ATP6V1A: variants seen among roughly 807,000 people sequenced by gnomAD.
ATP6V1A encodes the protein ATPase H+ transporting V1 subunit A.
In ATP6V1A, 18 loss-of-function variants were observed where a neutral mutation model predicts 70.1. The ratio of observed to expected loss-of-function variants is 0.26; its 90% CI spans 0.18 to 0.38. ATP6V1A has a LOEUF of 0.38. Ranked by LOEUF, ATP6V1A falls within the 10% of genes least tolerant of loss-of-function variation. The pLI, the probability that ATP6V1A is intolerant of heterozygous loss-of-function variation, is 1.00. For synonymous variants in ATP6V1A, 232 were observed against 253.8 expected (o/e 0.91, Z 0.82); for missense variants, 424 against 772.4 (o/e 0.55, Z 5.35).
chr3:113,806,839 A>C (rs1444457678), intron 14 of ATP6V1A, among the ~76,000 whole-genome samples: 2 of 152,232 alleles, frequency 1.3e-5, no homozygotes, highest in Non-Finnish European at 2.9e-5. Context: ...AATTATTAGT[A>C]GGAACTCAAA....
chr3:113,782,544 A>G (rs114664374), intron 3 of ATP6V1A, among the ~76,000 whole-genome samples: 1 of 124,694 alleles, frequency 8.0e-6, no homozygotes, highest in East Asian at 2.2e-4. Context: ...CTCTCTCTCT[A>G]TATATATATA....
intron 8 of ATP6V1A, among the ~76,000 whole-genome samples, chr3:113,793,354 C>T (rs1429404699): frequency 1.3e-5 from 2 of 152,166 alleles, no homozygotes; most frequent in African/African-American, 2.4e-5. Flanking sequence ...TGAGCCACCG[C>T]GCCTGGCCAG....
At chr3:113,752,563 T>C (rs1471195790) in intron 1 of ATP6V1A, among the ~76,000 whole-genome samples, 1 of 152,058 alleles carries the variant, frequency 6.6e-6, no homozygotes, top group Non-Finnish European at 1.5e-5. Flanking sequence ...TCTTAACTAC[T>C]TGGATATCTT....
Position 113,795,005 on chromosome 3 carries a change from G to T in ATP6V1A, c.1111+11G>T, listed in dbSNP as rs201044927. 1.7e-5 allele frequency: 27 copies of T among 1,613,476 alleles called. No homozygotes were observed. The highest frequency in any genetic ancestry group is 2.2e-5 in the Non-Finnish European group (26 of 1,179,770). ...CTGAAATGCCTGCAGGTAAGTCTGT[G>T]TATTGCTTATCATGTAAACAAGACT... On this transcript the variant is annotated intron_variant, in intron 9 of 14. Transcript: ENST00000273398.
intron 1 of ATP6V1A, among the ~76,000 whole-genome samples, chr3:113,766,426 C>G (rs755278515): frequency 2.0e-5 from 3 of 152,162 alleles, no homozygotes; most frequent in Non-Finnish European, 2.9e-5. Context: ...TCCTAAGTAG[C>G]TGGGACTATG....
At chr3:113,769,755 A>G (rs1469899902) in intron 1 of ATP6V1A, among the ~76,000 whole-genome samples, 3 of 152,176 alleles carry the variant, frequency 2.0e-5, no homozygotes, top group African/African-American at 7.2e-5. Context: ...AACTCAGATC[A>G]GTTGCCTATG....
chr3:113,773,482 G>C (rs1159155523), intron 1 of ATP6V1A, among the ~76,000 whole-genome samples: 1 of 152,088 alleles, frequency 6.6e-6, no homozygotes, highest in Non-Finnish European at 1.5e-5. Context: ...AAATTTTCAT[G>C]CTGGCTAGGA....
At chr3:113,780,273 A>T (rs1219884809) in intron 2 of ATP6V1A, among the ~76,000 whole-genome samples, 1 of 152,224 alleles carries the variant, frequency 6.6e-6, no homozygotes, top group Non-Finnish European at 1.5e-5. Context: ...AGTTCTAATC[A>T]GTTGTATCAG....
At chr3:113,779,659 A>G (rs1467450740) in intron 2 of ATP6V1A, among the ~76,000 whole-genome samples, 2 of 152,154 alleles carry the variant, frequency 1.3e-5, no homozygotes, top group East Asian at 3.8e-4. Context: ...TTGGCAGGTC[A>G]TTAAAAGGTT....
intron 1 of ATP6V1A, among the ~76,000 whole-genome samples, chr3:113,765,966 T>G (rs149732853): frequency 6.8e-4 from 104 of 152,132 alleles, no homozygotes; most frequent in African/African-American, 2.4e-3. Context: ...CAATCAATTC[T>G]TGTTTTACTA....
At chr3:113,794,522 G>A (rs1233236327) in intron 8 of ATP6V1A, among the ~76,000 whole-genome samples, 1 of 152,188 alleles carries the variant, frequency 6.6e-6, no homozygotes, top group Non-Finnish European at 1.5e-5. Context: ...CCTGAAATGA[G>A]CTCTACCATT....
chr3:113,803,780 C>G, intron 13 of ATP6V1A, 103 bp downstream of exon 13: 1 of 791,574 alleles, frequency 1.3e-6, no homozygotes, highest in South Asian at 1.8e-5. Flanking sequence ...CAGGCTCATA[C>G]ACTCTGACTT....
intron 5 of ATP6V1A, among the ~76,000 whole-genome samples, chr3:113,785,628 C>G (rs1311351772): frequency 3.3e-5 from 5 of 149,616 alleles, no homozygotes; most frequent in Non-Finnish European, 5.9e-5. Flanking sequence ...ATCACCTCAG[C>G]CTCCCAAGTA....
chr3:113,807,675 TAGAA>T (rs754775227), intron 14 of ATP6V1A, among the ~76,000 whole-genome samples: 5 of 152,188 alleles, frequency 3.3e-5, no homozygotes, highest in Non-Finnish European at 4.4e-5. Context: ...TATATATTCA[TAGAA>T]AGAGGATGAA....
At chr3:113,776,337 T>A (rs1708911869) in intron 1 of ATP6V1A, among the ~76,000 whole-genome samples, 1 of 152,142 alleles carries the variant, frequency 6.6e-6, no homozygotes, top group South Asian at 2.1e-4. Context: ...GCCACTGCAC[T>A]CCAGCCTGCG....
Position 113,789,780 on chromosome 3 carries a change from G to C in ATP6V1A, c.928G>C (p.Ala310Pro). Reference protein sequence around the residue: ...GKVESIMKRTALVANTSNMPV... With the variant: ...GKVESIMKRTPLVANTSNMPV... ...GGTAGAGTCAATTATGAAGAGGACA[G>C]CTTTGGTAGCCAATACCTCCAATAT... The change falls in exon 8 of 15, where the codon GCT becomes CCT. Residue 310 changes from alanine to proline, a missense_variant. Around this residue, in one of 9 missense-constraint regions of ATP6V1A, gnomAD observed 58 missense variants for 181.5 expected, o/e 0.32. Coordinates refer to ENST00000273398, the MANE Select transcript of ATP6V1A (RefSeq NM_001690.4). 6.2e-7 allele frequency: 1 copy of C among 1,613,376 alleles called. No individual in the cohort carries two copies. The highest frequency in any genetic ancestry group is 8.5e-7 in the Non-Finnish European group (1 of 1,179,376).
At chr3:113,779,860 T>G (rs978812770) in intron 2 of ATP6V1A, among the ~76,000 whole-genome samples, 1 of 152,196 alleles carries the variant, frequency 6.6e-6, no homozygotes, top group African/African-American at 2.4e-5. Context: ...TTTTAAAAAT[T>G]TTTTTAAATT....
intron 1 of ATP6V1A, among the ~76,000 whole-genome samples, chr3:113,764,232 CA>C (rs567173902): frequency 2.6e-4 from 36 of 137,782 alleles, no homozygotes; most frequent in East Asian, 6.3e-4. Flanking sequence ...GACCTTGTCT[CA>C]AAAAAAAAAG....
intron 5 of ATP6V1A, among the ~76,000 whole-genome samples, chr3:113,785,874 T>G (rs1709033959): frequency 6.7e-6 from 1 of 148,480 alleles, no homozygotes; most frequent in Non-Finnish European, 1.5e-5. Context: ...CTTTTTTTTT[T>G]TTTTTTTGTT....
Sources: gnomAD v4.1 joint callset for allele counts (sites outside exome capture counted in the v4.1 genomes callset) on GRCh38, gnomAD v4.1.1 for gene constraint, gnomAD v4.1.1 regional missense constraint, MANE v1.5 for transcripts, NCBI Gene and HGNC (gene_info 2026-07-23, HGNC 2026-07-21) for gene names.